SLIT1: variants seen among roughly 807,000 people sequenced by gnomAD.
The protein encoded by SLIT1 is slit homolog 1 protein.
A neutral mutation model predicts 186.1 loss-of-function variants in SLIT1; 66 were observed. The ratio of observed to expected loss-of-function variants is 0.35; its 90% CI spans 0.29 to 0.44. The LOEUF is 0.44. SLIT1 is among the 20% of genes least tolerant of loss of function. The probability of loss-of-function intolerance (pLI) is 1.00; values close to 1 mark genes in which losing one functional copy is unlikely to be tolerated. For missense variants in SLIT1, 1,638 were observed against 2,037.4 expected, an observed-to-expected ratio of 0.80 and a Z score of 3.77; for synonymous variants, 761 against 833.8, an observed-to-expected ratio of 0.91 and a Z score of 1.50.
At chr10:97,076,612 G>T (rs1323090241) in intron 4 of SLIT1, among the ~76,000 whole-genome samples, 1 of 152,202 alleles carries the variant, frequency 6.6e-6, no homozygotes, top group Non-Finnish European at 1.5e-5. Context: ...CCTGTCTCCA[G>T]GTCAGGGACT....
chr10:97,069,748 G>A (rs1206658516), intron 4 of SLIT1, among the ~76,000 whole-genome samples: 1 of 152,210 alleles, frequency 6.6e-6, no homozygotes, highest in African/African-American at 2.4e-5. Context: ...TATGACTGGT[G>A]TGTGTACGTG....
At chr10:97,109,077 G>A (rs1849441894) in intron 4 of SLIT1, among the ~76,000 whole-genome samples, 1 of 151,678 alleles carries the variant, frequency 6.6e-6, no homozygotes, top group African/African-American at 2.4e-5. Flanking sequence ...AGCCAGGCAT[G>A]GTGGCTCACA....
At chr10:97,119,913 G>GTGTGTATATATATATA (rs1241836707) in intron 4 of SLIT1, among the ~76,000 whole-genome samples, 4 of 56,520 alleles carry the variant, frequency 7.1e-5, no homozygotes, top group Non-Finnish European at 1.1e-4. Context: ...TTCCAAAGGG[G>GTGTGTATATATATATA]TATATATATA....
At chr10:97,047,121 C>G in intron 16 of SLIT1, 56 bp from the exon 17 acceptor site, 1 of 1,160,278 alleles carries the variant, frequency 8.6e-7, no homozygotes, top group South Asian at 1.3e-5. Context: ...TTTCAAATCC[C>G]TTCCAAACTG....
rs115452321 is a variant in SLIT1, at chr10:97,049,181, C to T, written c.1302-63G>A. 4.0e-4 allele frequency: 617 copies of T among 1,551,754 alleles called. 3 individuals carry two copies. The African/African-American group carries it at 7.4e-3, about 18-fold the overall frequency. ...GCTGCAAACCCGCGCTGACCTCCAC[C>T]GGGACAGGGCCTCGTTGTGGCTGGG... On this transcript the variant is annotated intron_variant, in intron 13 of 36. Coordinates refer to ENST00000266058, the MANE Select transcript of SLIT1 (RefSeq NM_003061.3).
chr10:97,149,555 G>A (rs957175348), intron 4 of SLIT1, among the ~76,000 whole-genome samples: 4 of 152,086 alleles, frequency 2.6e-5, no homozygotes, highest in African/African-American at 9.7e-5. Flanking sequence ...TCTCAAGCAC[G>A]AGCCAGATAA....
intron 7 of SLIT1, 145 bp downstream of exon 7, chr10:97,064,023 A>G: frequency 1.5e-6 from 1 of 678,684 alleles, no homozygotes; most frequent in South Asian, 1.7e-5. Flanking sequence ...GAGAGCATGA[A>G]GCCCCCAGCC....
Position 97,123,769 on chromosome 10 carries a change from G to A in SLIT1, c.413+34049C>T, listed in dbSNP as rs558357774. ...TGCATCACTGCACTCCAGCCTAGGC[G>A]ACAGGGTGAGACTCTGTCTGAAAAA... On this transcript the variant is annotated intron_variant, in intron 4 of 36. Coordinates refer to ENST00000266058, the MANE Select transcript of SLIT1 (RefSeq NM_003061.3). Among the ~76,000 whole-genome samples, 5 of 145,254 alleles carry A rather than the reference G, an allele frequency of 3.4e-5. No homozygotes were observed. The East Asian group carries it at 8.2e-4, about 24-fold the overall frequency.
chr10:97,078,731 C>T lies in SLIT1; in HGVS notation c.414-12645G>A, dbSNP rs12256571. ...AAGGCAAGGGCACAGCAGCAGGCAA[C>T]GAGGGTGAATGAAGCAGGCAGAGGA... On this transcript the variant is annotated intron_variant, in intron 4 of 36. Transcript: ENST00000266058. Among the ~76,000 whole-genome samples the T allele has an allele frequency of 5.3e-3, 811 of 152,294 alleles. 5 individuals carry two copies. Among genetic ancestry groups the T allele is most frequent in the African/African-American group, 0.018 (761 of 41,542 alleles).
intron 11 of SLIT1, among the ~76,000 whole-genome samples, chr10:97,058,969 G>A (rs1277498576): frequency 1.3e-5 from 2 of 152,194 alleles, no homozygotes; most frequent in Admixed American, 1.3e-4. Context: ...GGAGGAGCGG[G>A]CAAACACTGT....
Position 97,004,257 on chromosome 10 carries a change from G to T in SLIT1, c.3711-35C>A. On this transcript the variant is annotated intron_variant, in intron 33 of 36. Coordinates refer to ENST00000266058, the MANE Select transcript of SLIT1 (RefSeq NM_003061.3). This position sits in a 1 kb window ranked among gnomAD's most constrained non-coding sequence, Gnocchi z 5.1. ...GAGGGGGTTCCCCGTTCCAGGGAGT[G>T]GGCATCAGTCTGGACCATCCCTGCC... 1 of 1,587,258 alleles carries T rather than the reference G, an allele frequency of 6.3e-7. No homozygotes were observed. Among genetic ancestry groups the T allele is most frequent in the Non-Finnish European group, 8.6e-7 (1 of 1,159,524 alleles).
intron 4 of SLIT1, among the ~76,000 whole-genome samples, chr10:97,145,863 G>T (rs1849812146): frequency 6.6e-6 from 1 of 152,188 alleles, no homozygotes; most frequent in African/African-American, 2.4e-5. Flanking sequence ...AGGGCTCCTT[G>T]CCCTACAGCA....
intron 25 of SLIT1, 27 bp downstream of exon 25, chr10:97,030,730 C>T (rs775711226): frequency 1.2e-5 from 19 of 1,584,484 alleles, no homozygotes; most frequent in Non-Finnish European, 1.6e-5. Flanking sequence ...TCCAAAGAGG[C>T]CCAGAGAAAG....
intron 4 of SLIT1, among the ~76,000 whole-genome samples, chr10:97,133,167 T>C (rs969016467): frequency 6.6e-6 from 1 of 152,110 alleles, no homozygotes; most frequent in African/African-American, 2.4e-5. Flanking sequence ...TGGAATATTA[T>C]TCAGCTTAAA....
At chr10:97,093,343 G>C (rs1375971424) in intron 4 of SLIT1, among the ~76,000 whole-genome samples, 1 of 152,240 alleles carries the variant, frequency 6.6e-6, no homozygotes, top group Admixed American at 6.5e-5. Flanking sequence ...GGCCACCCAT[G>C]TGCCCAGATA....
At chr10:97,167,922 C>T (rs1408841890) in intron 1 of SLIT1, among the ~76,000 whole-genome samples, 1 of 152,216 alleles carries the variant, frequency 6.6e-6, no homozygotes, top group Non-Finnish European at 1.5e-5. Context: ...CCTGAGGCCT[C>T]CCCAGCCCTG....
At chr10:97,119,320 T>C (rs1447035108) in intron 4 of SLIT1, among the ~76,000 whole-genome samples, 1 of 152,120 alleles carries the variant, frequency 6.6e-6, no homozygotes, top group Non-Finnish European at 1.5e-5. Flanking sequence ...AGTGGGTTTA[T>C]TTCTCTTTTA....
At chr10:97,020,672 C>T (rs1848494820) in intron 26 of SLIT1, among the ~76,000 whole-genome samples, 1 of 152,262 alleles carries the variant, frequency 6.6e-6, no homozygotes, top group Non-Finnish European at 1.5e-5. Flanking sequence ...CCGCTGTACC[C>T]CTGCACATAA....
rs370993836 is a variant in SLIT1 at position 97,060,173 on chromosome 10, G to A, written c.942-15C>T. ...GCTCCAGGCGTCTGCGGGGAGAAAA[G>A]AGAGGGGAAGCCCAAGGGCCCAGGT... On this transcript the variant is annotated splice_polypyrimidine_tract_variant and intron_variant, in intron 9 of 36. Transcript: ENST00000266058. The A allele has an allele frequency of 1.9e-6, 3 of 1,612,014 alleles. No individual in the cohort carries two copies. Among genetic ancestry groups the A allele is most frequent in the African/African-American group, 1.3e-5 (1 of 74,918 alleles).
Sources: allele counts gnomAD v4.1 joint callset (sites outside exome capture counted in the v4.1 genomes callset), GRCh38; gene constraint gnomAD v4.1.1; non-coding constraint Gnocchi (gnomAD v3.1); transcripts MANE v1.5; gene names NCBI Gene and HGNC (gene_info 2026-07-23, HGNC 2026-07-21).